Variants in KIF13A observed in about 807,000 individuals in gnomAD.
KIF13A encodes the protein kinesin family member 13A, also known as kinesin-like protein KIF13A.
KIF13A carries 79 observed loss-of-function variants against 212.2 expected under a neutral mutation model. That is an observed-to-expected ratio of 0.37 (90% confidence interval 0.31 to 0.45). KIF13A has a LOEUF of 0.45. Among genes scored for constraint, KIF13A ranks in the 20% least tolerant of loss-of-function variants. The pLI is 1.00. For synonymous variants in KIF13A, 789 were observed against 808.6 expected (o/e 0.98, Z 0.41); for missense variants, 1,901 against 2,209.0 (o/e 0.86, Z 2.79).
At chr6:17,954,685 T>C (rs1024259292) in intron 2 of KIF13A, among the ~76,000 whole-genome samples, 1 of 152,190 alleles carries the variant, frequency 6.6e-6, no homozygotes. Context: ...GTTTATATTG[T>C]TGTTAGAGAC....
rs967957878 is a variant in KIF13A, at chr6:17,772,747, A to G, written c.4325-688T>C. ...TTATTTCCATAGTTATAAGACAGAA[A>G]GTAGAGGCTCAATAAATATTCAATG... On this transcript the variant is annotated intron_variant, in intron 36 of 38. Coordinates refer to ENST00000259711, the MANE Select transcript of KIF13A (RefSeq NM_022113.6). The surrounding 1 kb of genome is among the most constrained non-coding windows in gnomAD (Gnocchi z 4.8). 7.2e-5 allele frequency among the ~76,000 whole-genome samples: 11 copies of G among 152,232 alleles called. No individual in the cohort carries two copies. Among genetic ancestry groups the G allele is most frequent in the Non-Finnish European group, 1.0e-4 (7 of 68,042 alleles).
chr6:17,764,305 CA>C lies in KIF13A; in HGVS notation c.5222del (p.Val1741GlyfsTer10), dbSNP rs778899306. 1 of 1,614,026 alleles carries C rather than the reference CA, an allele frequency of 6.2e-7. No individual in the cohort carries two copies. Among genetic ancestry groups the C allele is most frequent in the Non-Finnish European group, 8.5e-7 (1 of 1,179,900 alleles). ...EDHSFTEFMG[V>X]SEGKDFDGLT... Reference sequence around the variant, plus strand: ...AACCATCAAAATCTTTTCCCTCTGACACTCCCATAAATTCTGTGAAAGAATG... The same window carrying C: ...AACCATCAAAATCTTTTCCCTCTGACCTCCCATAAATTCTGTGAAAGAATG... On this transcript the variant is annotated frameshift_variant, in exon 39 of 39. Transcript: ENST00000259711. LOFTEE classifies it low-confidence loss of function (END_TRUNC). The surrounding 1 kb of genome is among the most constrained non-coding windows in gnomAD (Gnocchi z 5.1).
chr6:17,776,230 T>A lies in KIF13A; in HGVS notation c.4170+1047A>T, dbSNP rs1040294547. On this transcript the variant is annotated intron_variant, in intron 34 of 38. Coordinates refer to ENST00000259711, the MANE Select transcript of KIF13A (RefSeq NM_022113.6). This position sits in a 1 kb window ranked among gnomAD's most constrained non-coding sequence, Gnocchi z 4.6. ...CCTAATTCTTTTTTACTCTACTTTT[T>A]AATATAAGAGCTATATATTTCCTAA... 2.0e-5 allele frequency among the ~76,000 whole-genome samples: 3 copies of A among 152,314 alleles called. No homozygotes were observed. Among genetic ancestry groups the A allele is most frequent in the Admixed American group, 6.5e-5 (1 of 15,292 alleles).
At position 17,892,979 on chromosome 6, in the gene KIF13A, T is replaced by TCCC. The variant is rs1193366421; in HGVS notation, c.159+5188_159+5189insGGG. On this transcript the variant is annotated intron_variant, in intron 3 of 38. Transcript: ENST00000259711. The surrounding 1 kb of genome is among the most constrained non-coding windows in gnomAD (Gnocchi z 4.7). ...TGATTTATAGCCGGTAGGTCAGAAG[T>TCCC]ATAGGTGGCAACCTGGGACTTGCGA... is the stretch of plus-strand genomic sequence containing the variant. 6.6e-6 allele frequency among the ~76,000 whole-genome samples: 1 copy of TCCC among 152,156 alleles called. No homozygotes were observed. Among genetic ancestry groups the TCCC allele is most frequent in the Non-Finnish European group, 1.5e-5 (1 of 68,028 alleles).
At chr6:17,928,499 G>C (rs1775693291) in intron 2 of KIF13A, among the ~76,000 whole-genome samples, 1 of 152,078 alleles carries the variant, frequency 6.6e-6, no homozygotes, top group South Asian at 2.1e-4. Flanking sequence ...AGCCACAATG[G>C]GTTCTACTTC....
At chr6:17,766,287 T>A (rs1015537773) in intron 38 of KIF13A, among the ~76,000 whole-genome samples, 6 of 151,462 alleles carry the variant, frequency 4.0e-5, no homozygotes, top group African/African-American at 1.5e-4. Flanking sequence ...TTGCCCAGGC[T>A]GGAGTGCAAT....
In KIF13A at chr6:17,849,607, T is replaced by G; in HGVS notation, c.718-118A>C. The G allele has an allele frequency of 3.3e-6, 2 of 612,646 alleles. No homozygotes were observed. The highest frequency in any genetic ancestry group is 5.6e-6 in the Non-Finnish European group (2 of 360,170). 38.0% of individuals were successfully genotyped at this position (612,646 alleles called of 1,614,324 possible). ...ATCCCACTCTCATATGGCAAATTTC[T>G]TAAGTTTTTAAACGGTCAGAAGAGT... On this transcript the variant is annotated intron_variant, in intron 8 of 38. Coordinates refer to ENST00000259711, the MANE Select transcript of KIF13A (RefSeq NM_022113.6). The surrounding 1 kb of genome is among the most constrained non-coding windows in gnomAD (Gnocchi z 5.7).
intron 2 of KIF13A, among the ~76,000 whole-genome samples, chr6:17,938,034 C>T (rs1385259638): frequency 6.7e-6 from 1 of 149,718 alleles, no homozygotes; most frequent in Non-Finnish European, 1.5e-5. Context: ...AGGCATAAGC[C>T]ACCGTGCCCC....
intron 20 of KIF13A, among the ~76,000 whole-genome samples, chr6:17,801,726 G>A (rs1275978205): frequency 6.6e-6 from 1 of 152,186 alleles, no homozygotes; most frequent in Non-Finnish European, 1.5e-5. Context: ...TCTCTTGAGA[G>A]TAGAGAATGG....
At chr6:17,937,858 C>T (rs1291649743) in intron 2 of KIF13A, among the ~76,000 whole-genome samples, 1 of 151,892 alleles carries the variant, frequency 6.6e-6, no homozygotes, top group Non-Finnish European at 1.5e-5. Context: ...AAGCAATTCT[C>T]CTGCCTCAGC....
In KIF13A at chr6:17,890,790, C is replaced by CTAATAATAATAATAATAATAA. The variant is rs71536760; in HGVS notation, c.159+7357_159+7377dup. ...TACAGGGACATGTTACTATGCCCAG[C>CTAATAATAATAATAATAATAA]TAATAATAATAATAATAATAATAAT... On this transcript the variant is annotated intron_variant, in intron 3 of 38. Coordinates refer to ENST00000259711, the MANE Select transcript of KIF13A (RefSeq NM_022113.6). Among the ~76,000 whole-genome samples the CTAATAATAATAATAATAATAA allele has an allele frequency of 3.0e-3, 412 of 139,120 alleles. 3 individuals carry two copies. The highest frequency in any genetic ancestry group is 5.3e-3 in the African/African-American group (195 of 37,058). 91.3% of individuals were successfully genotyped at this position (139,120 alleles called of 152,430 possible).
intron 2 of KIF13A, among the ~76,000 whole-genome samples, chr6:17,966,772 T>C (rs1779357702): frequency 6.6e-6 from 1 of 152,218 alleles, no homozygotes; most frequent in Non-Finnish European, 1.5e-5. Context: ...TTATGATTCT[T>C]ATTATTGCAC....
At chr6:17,953,971 CA>C (rs1258151852) in intron 2 of KIF13A, 3 of 157,342 alleles carry the variant, frequency 1.9e-5, no homozygotes, top group Non-Finnish European at 4.3e-5. Context: ...TCACATTCCT[CA>C]AAAAAAATTT....
intron 2 of KIF13A, among the ~76,000 whole-genome samples, chr6:17,922,509 C>T (rs1775163361): frequency 6.6e-6 from 1 of 151,314 alleles, no homozygotes; most frequent in Non-Finnish European, 1.5e-5. Flanking sequence ...AAAGCAAGCC[C>T]GTGAATAATA....
chr6:17,775,005 A>G lies in KIF13A; in HGVS notation c.4218+10T>C, dbSNP rs1235678269. 2 of 1,606,998 alleles carry G rather than the reference A, an allele frequency of 1.2e-6. No homozygotes were observed. The highest frequency in any genetic ancestry group is 1.7e-5 in the Admixed American group (1 of 59,344). The stretch of plus-strand genomic sequence containing the variant: ...CTACTAAAAACCTAGCCATGCCCAT[A>G]GGTGCATACCTTGTCATCTTCATCA... On this transcript the variant is annotated intron_variant, in intron 35 of 38. Transcript: ENST00000259711.
chr6:17,770,972 A>G (rs1266810931), intron 38 of KIF13A, 142 bp downstream of exon 38: 13 of 602,436 alleles, frequency 2.2e-5, no homozygotes, highest in Non-Finnish European at 3.4e-5. Context: ...GCAAAATATC[A>G]TTACCAATGG....
At chr6:17,848,505 C>T (rs982406653) in intron 9 of KIF13A, among the ~76,000 whole-genome samples, 3 of 150,186 alleles carry the variant, frequency 2.0e-5, no homozygotes, top group African/African-American at 7.3e-5. Context: ...GGTATTTGTG[C>T]CATTTTTGAG....
At chr6:17,762,254 C>G (rs1561940230), downstream of KIF13A, among the ~76,000 whole-genome samples, 1 of 151,032 alleles carries the variant, frequency 6.6e-6, no homozygotes, top group Non-Finnish European at 1.5e-5. Flanking sequence ...GCTCTGTTGC[C>G]CAGGCTGGAG....
chr6:17,954,485 A>AT (rs912731828), intron 2 of KIF13A, among the ~76,000 whole-genome samples: 1 of 152,196 alleles, frequency 6.6e-6, no homozygotes, highest in African/African-American at 2.4e-5. Flanking sequence ...CCAGTGTTAC[A>AT]TTTTAAGTAT....
Sources: allele counts gnomAD v4.1 joint callset (sites outside exome capture counted in the v4.1 genomes callset), GRCh38; gene constraint gnomAD v4.1.1; non-coding constraint Gnocchi (gnomAD v3.1); transcripts MANE v1.5; gene names NCBI Gene and HGNC (gene_info 2026-07-23, HGNC 2026-07-21).